Variants in CCSER1 observed in about 807,000 individuals in gnomAD.
CCSER1 encodes coiled-coil serine rich protein 1, also known as serine-rich coiled-coil domain-containing protein 1.
Under a neutral mutation model 82.0 loss-of-function variants are expected in CCSER1, and 41 were observed. The ratio of observed to expected loss-of-function variants is 0.50; its 90% CI spans 0.39 to 0.65. The LOEUF (loss-of-function observed/expected upper bound fraction) is 0.65. CCSER1 is among the 30% of genes least tolerant of loss of function. The pLI, the probability that CCSER1 is intolerant of heterozygous loss-of-function variation, is 0.00. For missense variants in CCSER1, 1,119 were observed against 1,064.2 expected, an observed-to-expected ratio of 1.05 and a Z score of -0.72; for synonymous variants, 414 against 383.9, an observed-to-expected ratio of 1.08 and a Z score of -0.92.
intron 9 of CCSER1, among the ~76,000 whole-genome samples, chr4:91,085,152 A>G (rs758369257): frequency 6.6e-6 from 1 of 151,952 alleles, no homozygotes; most frequent in Non-Finnish European, 1.5e-5. Context: ...TGTATGTGAT[A>G]AATGCATTGG....
chr4:90,604,010 A>G (rs1290468943), intron 5 of CCSER1, among the ~76,000 whole-genome samples: 1 of 152,142 alleles, frequency 6.6e-6, no homozygotes, highest in Non-Finnish European at 1.5e-5. Flanking sequence ...GAAGAAATAC[A>G]GGATTGAATG....
At chr4:90,206,303 T>C (rs1272908124) in intron 1 of CCSER1, among the ~76,000 whole-genome samples, 4 of 152,196 alleles carry the variant, frequency 2.6e-5, no homozygotes, top group Admixed American at 6.5e-5. Flanking sequence ...GTGTCAATTT[T>C]AGATCTTTCC....
chr4:90,516,130 C>T (rs149011346), intron 5 of CCSER1, among the ~76,000 whole-genome samples: 175 of 152,044 alleles, frequency 1.2e-3, no homozygotes, highest in African/African-American at 3.9e-3. Flanking sequence ...GTGGGTAGGC[C>T]CTTTTTGAGG....
intron 3 of CCSER1, among the ~76,000 whole-genome samples, chr4:90,352,240 C>T (rs997032694): frequency 6.6e-6 from 1 of 151,952 alleles, no homozygotes; most frequent in African/African-American, 2.4e-5. Context: ...AGGAGAATGG[C>T]GGGAACCCGG....
At chr4:90,893,059 G>C (rs755794529) in intron 8 of CCSER1, among the ~76,000 whole-genome samples, 1 of 152,030 alleles carries the variant, frequency 6.6e-6, no homozygotes, top group East Asian at 1.9e-4. Flanking sequence ...TGGCCTGTGA[G>C]CTCATATTAT....
At chr4:90,724,874 C>T in intron 7 of CCSER1, 2 of 304,494 alleles carry the variant, frequency 6.6e-6, no homozygotes, top group Non-Finnish European at 6.5e-6. Context: ...TTGCTTATAC[C>T]TAGTACAGTT....
At chr4:90,770,535 G>A (rs946138901) in intron 7 of CCSER1, among the ~76,000 whole-genome samples, 9 of 152,190 alleles carry the variant, frequency 5.9e-5, no homozygotes, top group Admixed American at 5.2e-4. Flanking sequence ...GTGTTCAAAT[G>A]TTAGGGGAAA....
chr4:91,200,259 A>G (rs1232068390), intron 10 of CCSER1, among the ~76,000 whole-genome samples: 2 of 152,096 alleles, frequency 1.3e-5, no homozygotes, highest in African/African-American at 2.4e-5. Flanking sequence ...ATAAAGTTAT[A>G]TGTTATTGAT....
chr4:91,384,837 C>T (rs1466977383), intron 10 of CCSER1, among the ~76,000 whole-genome samples: 1 of 151,946 alleles, frequency 6.6e-6, no homozygotes, highest in Non-Finnish European at 1.5e-5. Flanking sequence ...TGTTAAATAG[C>T]TGAAAAGAGA....
At chr4:90,838,763 C>G in intron 8 of CCSER1, 1 of 1,178,054 alleles carries the variant, frequency 8.5e-7, no homozygotes, top group Non-Finnish European at 1.2e-6. Flanking sequence ...GTCAGTAGTT[C>G]TTTGATGTGA....
chr4:90,264,900 C>T (rs1724973765), intron 1 of CCSER1, among the ~76,000 whole-genome samples: 1 of 152,026 alleles, frequency 6.6e-6, no homozygotes, highest in African/African-American at 2.4e-5. Context: ...TCTTAATAAG[C>T]TCCAGATTAC....
intron 1 of CCSER1, among the ~76,000 whole-genome samples, chr4:90,253,364 G>C (rs1722725056): frequency 6.6e-6 from 1 of 151,904 alleles, no homozygotes; most frequent in South Asian, 2.1e-4. Context: ...AATTTTTTTA[G>C]TATTTCTTGA....
intron 1 of CCSER1, among the ~76,000 whole-genome samples, chr4:90,297,845 C>T (rs1183301176): frequency 6.6e-6 from 1 of 151,942 alleles, no homozygotes; most frequent in African/African-American, 2.4e-5. Flanking sequence ...GAATGAAGCC[C>T]ACTTGATCAT....
intron 5 of CCSER1, among the ~76,000 whole-genome samples, chr4:90,616,196 G>C (rs983971671): frequency 6.6e-6 from 1 of 152,196 alleles, no homozygotes; most frequent in Non-Finnish European, 1.5e-5. Flanking sequence ...AAAAAATTGT[G>C]TGACTTCCTT....
intron 4 of CCSER1, among the ~76,000 whole-genome samples, chr4:90,412,320 T>TGGGGGGA (rs1553903674): frequency 6.5e-5 from 4 of 61,524 alleles, no homozygotes; most frequent in African/African-American, 2.6e-4. Context: ...TGTTGTGGGG[T>TGGGGGGA]GGGGGGAGGG....
chr4:90,199,596 C>CTCTCT (rs3070027), intron 1 of CCSER1, among the ~76,000 whole-genome samples: 84,114 of 151,234 alleles, frequency 0.56, 24,016 homozygotes, highest in African/African-American at 0.69. Flanking sequence ...TCTCCTTTGC[C>CTCTCT]TCTCAAGGAA....
intron 1 of CCSER1, among the ~76,000 whole-genome samples, chr4:90,227,961 C>T (rs763006365): frequency 1.5e-4 from 23 of 152,306 alleles, no homozygotes; most frequent in Non-Finnish European, 2.4e-4. Context: ...GCACCTGGCT[C>T]GGAGGGTCCT....
At chr4:90,962,438 A>C (rs904686864) in intron 9 of CCSER1, among the ~76,000 whole-genome samples, 4 of 152,152 alleles carry the variant, frequency 2.6e-5, no homozygotes, top group African/African-American at 4.8e-5. Flanking sequence ...TTTTGACTAC[A>C]TTAGCTTAAT....
chr4:91,020,634 C>A (rs992579960), intron 9 of CCSER1, among the ~76,000 whole-genome samples: 1 of 151,946 alleles, frequency 6.6e-6, no homozygotes, highest in African/African-American at 2.4e-5. Flanking sequence ...TGCACTCCAG[C>A]CTGGGTGACA....
Sources: gnomAD v4.1 joint callset for allele counts (sites outside exome capture counted in the v4.1 genomes callset) on GRCh38, gnomAD v4.1.1 for gene constraint, MANE v1.5 for transcripts, NCBI Gene and HGNC (gene_info 2026-07-23, HGNC 2026-07-21) for gene names.